CENPF: variants seen among roughly 807,000 people sequenced by gnomAD.
The protein encoded by CENPF is centromere protein F.
A neutral mutation model predicts 307.3 loss-of-function variants in CENPF; 214 were observed. That is an observed-to-expected ratio of 0.70 (90% confidence interval 0.62 to 0.78). The LOEUF (loss-of-function observed/expected upper bound fraction) is 0.78, where lower values mean the gene tolerates loss of function less well. CENPF is among the 30% of genes least tolerant of loss of function. The pLI is 0.00. For missense variants in CENPF, 3,401 were observed against 3,483.9 expected, an observed-to-expected ratio of 0.98 and a Z score of 0.60; for synonymous variants, 1,259 against 1,270.6, an observed-to-expected ratio of 0.99 and a Z score of 0.19.
At chr1:214,632,661 A>T in intron 10 of CENPF, 59 bp downstream of exon 10, 1 of 1,591,436 alleles carries the variant, frequency 6.3e-7, no homozygotes, top group Non-Finnish European at 8.6e-7. Flanking sequence ...GCAAGGGGAA[A>T]AGAATATTCC....
In CENPF at chr1:214,640,147, G is replaced by T; in HGVS notation, c.1809G>T (p.Glu603Asp). Residue 603 changes from glutamate to aspartate, a missense_variant, in exon 12 of 20, where the codon GAG (glutamate) becomes GAT (aspartate). Coordinates refer to ENST00000366955, the MANE Select transcript of CENPF (RefSeq NM_016343.4). ...KESKALLSAL[E>D]LKKKEYEELK... Reference sequence around the variant, plus strand: ...CCAAAGCCTTGCTGAGTGCTTTAGAGTTAAAAAAGAAAGAATATGAAGAAT... The same window carrying T: ...CCAAAGCCTTGCTGAGTGCTTTAGATTTAAAAAAGAAAGAATATGAAGAAT... 1 of 1,584,856 alleles carries T rather than the reference G, an allele frequency of 6.3e-7. No homozygotes were observed. Among genetic ancestry groups the T allele is most frequent in the East Asian group, 2.2e-5 (1 of 44,774 alleles).
chr1:214,618,290 T>C (rs934479606), intron 3 of CENPF, among the ~76,000 whole-genome samples: 13 of 152,196 alleles, frequency 8.5e-5, no homozygotes, highest in Non-Finnish European at 1.6e-4. Context: ...ACTGTCATAG[T>C]GGTTATTATA....
intron 2 of CENPF, among the ~76,000 whole-genome samples, 192 bp downstream of exon 2, chr1:214,614,108 CTTT>C (rs370473275): frequency 8.1e-6 from 1 of 123,054 alleles, no homozygotes; most frequent in African/African-American, 3.2e-5. Flanking sequence ...CAATCCCCTT[CTTT>C]TTTTTTTTTT....
chr1:214,617,000 C>CTCTTTCTT (rs549033456), intron 3 of CENPF, among the ~76,000 whole-genome samples: 4 of 128,606 alleles, frequency 3.1e-5, no homozygotes, highest in African/African-American at 1.2e-4. Context: ...CTCTCTTTCT[C>CTCTTTCTT]TCTTTCTTTC....
At position 214,657,044 on chromosome 1, in the gene CENPF, C is replaced by G; in HGVS notation, c.8597C>G (p.Ser2866Cys). Residue 2866 changes from serine (S) to cysteine (C), a missense_variant, in exon 18 of 20, where the codon TCC becomes TGC. Physicochemically the swap from Ser to Cys is moderately radical, Grantham distance 112. Coordinates refer to ENST00000366955, the MANE Select transcript of CENPF (RefSeq NM_016343.4). ...GATGAATACTTGGATAAGTACTGTT[C>G]CTTGCTTATAAGCCATGAAAAGTTA... ...EADEYLDKYC[S>C]LLISHEKLEK... 1 of 1,614,056 alleles carries G rather than the reference C, an allele frequency of 6.2e-7. No homozygotes were observed. The highest frequency in any genetic ancestry group is 1.3e-5 in the African/African-American group (1 of 75,012).
chr1:214,608,302 G>C, intron 1 of CENPF: 2 of 1,579,552 alleles, frequency 1.3e-6, no homozygotes, highest in Non-Finnish European at 8.6e-7. Context: ...CTGCCCCCAG[G>C]GTTGCCCTCA....
In CENPF at chr1:214,659,727, TAA is replaced by T. The variant is rs1428429501; in HGVS notation, c.9141+702_9141+703del. Reference sequence around the variant, plus strand: ...TGAACTCTCACAGTAAGTGGTATTATAAAAGAGTGAAGAACGTGAGACTCATA... The same window carrying T: ...TGAACTCTCACAGTAAGTGGTATTATAAGAGTGAAGAACGTGAGACTCATA... On this transcript the variant is annotated intron_variant, in intron 19 of 19. Transcript: ENST00000366955. This position sits in a 1 kb window ranked among gnomAD's most constrained non-coding sequence, Gnocchi z 4.4. Among the ~76,000 whole-genome samples the T allele has an allele frequency of 6.6e-6, 1 of 152,222 alleles. No homozygotes were observed. The highest frequency in any genetic ancestry group is 1.9e-4 in the East Asian group (1 of 5,194).
At position 214,640,846 on chromosome 1, in the gene CENPF, A is replaced by G. The variant is rs776731305; in HGVS notation, c.2508A>G (p.Glu836=). The change falls in exon 12 of 20, where the codon GAA becomes GAG. Residue 836 remains glutamate, a synonymous_variant. Coordinates refer to ENST00000366955, the MANE Select transcript of CENPF (RefSeq NM_016343.4). ...TACAAAATAGAGTTGATTCACTTGA[A>G]TTTTCATTAGAGTCTCAAAAACAGA... ...AILQNRVDSL[E]FSLESQKQMN... 1.2e-6 allele frequency: 2 copies of G among 1,600,452 alleles called. No individual in the cohort carries two copies. The highest frequency in any genetic ancestry group is 1.7e-6 in the Non-Finnish European group (2 of 1,175,412).
Position 214,663,828 on chromosome 1 carries a change from C to G in CENPF, c.*34C>G. 1 of 1,560,428 alleles carries G rather than the reference C, an allele frequency of 6.4e-7. No homozygotes were observed. The highest frequency in any genetic ancestry group is 8.8e-7 in the Non-Finnish European group (1 of 1,136,102). On this transcript the variant is annotated 3_prime_UTR_variant, in exon 20 of 20. Coordinates refer to ENST00000366955, the MANE Select transcript of CENPF (RefSeq NM_016343.4). The stretch of plus-strand genomic sequence containing the variant: ...TGTGTGTCAGTACCCCTGGGAGGTG[C>G]CAGTCATTGAATAGATAAGGCTGTG...
Position 214,641,188 on chromosome 1 carries a change from C to A in CENPF, c.2850C>A (p.Thr950=). 1 of 1,607,194 alleles carries A rather than the reference C, an allele frequency of 6.2e-7. No homozygotes were observed. Among genetic ancestry groups the A allele is most frequent in the Non-Finnish European group, 8.5e-7 (1 of 1,178,286 alleles). The change falls in exon 12 of 20, where the codon ACC becomes ACA. Residue 950 remains threonine, a synonymous_variant. Transcript: ENST00000366955. ...AGGAGCTACAACTTTTATCCGAAAC[C>A]CTAAGCTTGGAGAAGAAAGAAATGA... ...SLKELQLLSE[T]LSLEKKEMSS... is the part of the protein sequence containing the mutation.
chr1:214,653,111 A>G (rs1658534995), intron 16 of CENPF, 122 bp downstream of exon 16: 1 of 894,742 alleles, frequency 1.1e-6, no homozygotes, highest in Non-Finnish European at 1.9e-6. Context: ...GTCAAAAATG[A>G]TGTCATTCAT....
At chr1:214,635,528 A>G (rs770704138) in intron 10 of CENPF, among the ~76,000 whole-genome samples, 3 of 152,208 alleles carry the variant, frequency 2.0e-5, no homozygotes, top group Non-Finnish European at 2.9e-5. Context: ...CATTGTTGAT[A>G]ATGAGATACC....
intron 15 of CENPF, among the ~76,000 whole-genome samples, chr1:214,652,335 C>T (rs180737106): frequency 1.2e-3 from 187 of 149,868 alleles, no homozygotes; most frequent in East Asian, 7.6e-3. Context: ...GCGCCTGGCC[C>T]GGTTGATTTT....
intron 1 of CENPF, among the ~76,000 whole-genome samples, chr1:214,611,937 T>G (rs938566572): frequency 6.6e-6 from 1 of 152,212 alleles, no homozygotes; most frequent in Non-Finnish European, 1.5e-5. Flanking sequence ...CAGGGGTAGT[T>G]TGACTTCCTC....
rs1658111683 is a variant in CENPF, at chr1:214,641,462, A to C, written c.3124A>C (p.Lys1042Gln). 1 of 1,545,134 alleles carries C rather than the reference A, an allele frequency of 6.5e-7. No individual in the cohort carries two copies. Among genetic ancestry groups the C allele is most frequent in the African/African-American group, 1.4e-5 (1 of 71,902 alleles). Reference sequence around the variant, plus strand: ...AAATGCATATGAGGATCTTAGTCAAAAATACAAAGCAGCACAGGAAAAGAA... The same window carrying C: ...AAATGCATATGAGGATCTTAGTCAACAATACAAAGCAGCACAGGAAAAGAA... Reference protein sequence around the residue: ...TGNAYEDLSQKYKAAQEKNSK... With the variant: ...TGNAYEDLSQQYKAAQEKNSK... The change falls in exon 12 of 20, where the codon AAA becomes CAA. Residue 1042 changes from lysine to glutamine, a missense_variant. By Grantham distance (53) the Lys-to-Gln change is moderately conservative. Transcript: ENST00000366955.
At chr1:214,605,415 G>A (rs1312393886) in intron 1 of CENPF, 1 of 461,204 alleles carries the variant, frequency 2.2e-6, no homozygotes, top group East Asian at 4.0e-5. Context: ...ACATCCGTAA[G>A]TGCCTGAGCT....
At position 214,644,976 on chromosome 1, in the gene CENPF, T is replaced by A. The variant is rs1446074146; in HGVS notation, c.5406T>A (p.Asn1802Lys). ...ACAGAAAAGTTGAAAGTTTGCTAAA[T>A]GAAATGAAAGAATTAGACTCAAAAC... ...DRDRKVESLL[N>K]EMKELDSKLH... is the part of the protein sequence containing the mutation. The change falls in exon 13 of 20, where the codon AAT becomes AAA. Residue 1802 changes from asparagine (N) to lysine (K), a missense_variant. Transcript: ENST00000366955. 1 of 1,612,724 alleles carries A rather than the reference T, an allele frequency of 6.2e-7. No individual in the cohort carries two copies. Among genetic ancestry groups the A allele is most frequent in the Admixed American group, 1.7e-5 (1 of 59,690 alleles).
chr1:214,619,466 T>G (rs1237697749), intron 5 of CENPF, among the ~76,000 whole-genome samples: 2 of 152,204 alleles, frequency 1.3e-5, no homozygotes, highest in East Asian at 3.8e-4. Flanking sequence ...TAATGTACAC[T>G]TAATTATTTC....
In CENPF at chr1:214,641,621, A is replaced by G. The variant is rs1239030362; in HGVS notation, c.3283A>G (p.Arg1095Gly). ...AACAAAATTAGCATTTGCTGAAGAA[A>G]GAAATCAGAATCTGATGCTAGAGTT... is the stretch of plus-strand genomic sequence containing the variant. ...FLTKLAFAEE[R>G]NQNLMLELET... Residue 1095 changes from arginine (R) to glycine (G), a missense_variant, in exon 12 of 20, where the codon AGA (arginine) becomes GGA (glycine). Transcript: ENST00000366955. The G allele has an allele frequency of 1.3e-6, 2 of 1,562,818 alleles. No individual in the cohort carries two copies. Among genetic ancestry groups the G allele is most frequent in the African/African-American group, 1.4e-5 (1 of 72,390 alleles).
Sources: gnomAD v4.1 joint callset for allele counts (sites outside exome capture counted in the v4.1 genomes callset) on GRCh38, gnomAD v4.1.1 for gene constraint, Gnocchi (gnomAD v3.1) non-coding constraint, MANE v1.5 for transcripts, NCBI Gene and HGNC (gene_info 2026-07-23, HGNC 2026-07-21) for gene names.